TXLNB: variants seen among roughly 807,000 people sequenced by gnomAD.
The protein encoded by TXLNB is taxilin beta, also known as beta-taxilin.
TXLNB carries 37 observed loss-of-function variants against 57.4 expected under a neutral mutation model. The ratio of observed to expected loss-of-function variants is 0.64; its 90% confidence interval spans 0.50 to 0.85. The LOEUF (loss-of-function observed/expected upper bound fraction) is 0.85. Ranked by LOEUF, TXLNB falls within the 40% of genes least tolerant of loss-of-function variation. The probability of loss-of-function intolerance (pLI) is 0.00; values close to 1 mark genes in which losing one functional copy is unlikely to be tolerated. For missense variants in TXLNB, 848 were observed against 825.6 expected (o/e 1.03, Z -0.33); for synonymous variants, 302 against 309.6 (o/e 0.98, Z 0.26).
chr6:139,179,053 A>G, the TXLNB span: 86 of 152,294 alleles, frequency 5.6e-4, no homozygotes, highest in African/African-American at 2.1e-3. Flanking sequence ...TAAAATGCCT[A>G]TAAGAAGTAG....
At chr6:139,279,636 G>T (rs1776992579) in intron 2 of TXLNB, among the ~76,000 whole-genome samples, 2 of 152,162 alleles carry the variant, frequency 1.3e-5, no homozygotes, top group South Asian at 4.1e-4. Flanking sequence ...ACAGAGACTT[G>T]CTCATCATCT....
the TXLNB span, chr6:139,179,838 GAA>G: frequency 6.6e-6 from 1 of 152,136 alleles, no homozygotes; most frequent in African/African-American, 2.4e-5. Context: ...TTTTTCTGAT[GAA>G]TAGTGTTCAG....
intron 4 of TXLNB, among the ~76,000 whole-genome samples, chr6:139,267,083 G>T (rs1362639025): frequency 2.7e-5 from 4 of 150,642 alleles, no homozygotes; most frequent in Admixed American, 2.0e-4. Context: ...GCAACTAAGA[G>T]AATTGATTAC....
At position 139,253,233 on chromosome 6, in the gene TXLNB, G is replaced by A. The variant is rs9484255; in HGVS notation, c.1077+2331C>T. Among the ~76,000 whole-genome samples the A allele has an allele frequency of 6.0e-3, 920 of 152,272 alleles. 7 individuals carry two copies. The highest frequency in any genetic ancestry group is 0.021 in the African/African-American group (882 of 41,546). On this transcript the variant is annotated intron_variant, in intron 7 of 9. Coordinates refer to ENST00000358430, the MANE Select transcript of TXLNB (RefSeq NM_153235.4). ...ATGCTTATTTTGGGCCAGACACTGA[G>A]CAAAATGCTTTGGATGCATGATTTG...
the TXLNB span, among the ~76,000 whole-genome samples, chr6:139,217,882 A>AG: frequency 1.2e-3 from 170 of 146,926 alleles, no homozygotes; most frequent in African/African-American, 4.2e-3. Context: ...AAAAAAAAAA[A>AG]AAAAAGAAAA....
downstream of TXLNB, among the ~76,000 whole-genome samples, chr6:139,238,631 A>G (rs1464232797): frequency 6.6e-6 from 1 of 152,224 alleles, no homozygotes; most frequent in African/African-American, 2.4e-5. Context: ...TTATTATCAC[A>G]TGAAAACTTC....
Position 139,260,413 on chromosome 6 carries a change from T to G in TXLNB, c.907A>C (p.Arg303=). The G allele has an allele frequency of 1.2e-6, 2 of 1,614,150 alleles. No individual in the cohort carries two copies. The highest frequency in any genetic ancestry group is 1.7e-6 in the Non-Finnish European group (2 of 1,180,022). ...EEHLDKIFKH[R]ELQQKLVDAK... ...TCCACCAGCTTCTGCTGCAGTTCTC[T>G]GTGTTTAAATATTTTGTCCAGATGC... The change falls in exon 6 of 10, where the codon AGA becomes CGA. Residue 303 remains arginine (R), a synonymous_variant. Transcript: ENST00000358430.
chr6:139,202,869 C>T, the TXLNB span, among the ~76,000 whole-genome samples: 3 of 152,134 alleles, frequency 2.0e-5, no homozygotes, highest in Non-Finnish European at 4.4e-5. Flanking sequence ...CCCTGCCTTC[C>T]CAGCTTCTAG....
rs373806802 is a variant in TXLNB at position 139,281,700 on chromosome 6, T to C, written c.425-4779A>G. ...AGTAGCTGGGACTACAGGCGCCCGC[T>C]ACCACGCCCGGCTAATTTTTTGTAT... On this transcript the variant is annotated intron_variant, in intron 2 of 9. Coordinates refer to ENST00000358430, the MANE Select transcript of TXLNB (RefSeq NM_153235.4). 8.5e-4 allele frequency among the ~76,000 whole-genome samples: 93 copies of C among 109,636 alleles called. 24 individuals are homozygous for C. Among genetic ancestry groups the C allele is most frequent in the Middle Eastern group, 3.8e-3 (1 of 260 alleles). 71.9% of individuals were successfully genotyped at this position (109,636 alleles called of 152,430 possible).
chr6:139,249,558 T>C (rs1776144713), intron 7 of TXLNB, among the ~76,000 whole-genome samples: 1 of 152,174 alleles, frequency 6.6e-6, no homozygotes, highest in South Asian at 2.1e-4. Flanking sequence ...CTGTCTTTTT[T>C]AAAGTACAGA....
Position 139,247,910 on chromosome 6 carries a change from C to T in TXLNB, c.1078-1G>A. 1 of 1,582,038 alleles carries T rather than the reference C, an allele frequency of 6.3e-7. No homozygotes were observed. Among genetic ancestry groups the T allele is most frequent in the Admixed American group, 1.8e-5 (1 of 56,528 alleles). ...CAAACCTTCCTGAGTAGAGAGTGAGCTGTAAACAGAGGAAAGAGTGGATCT... is the reference window on the plus strand; with the variant it reads ...CAAACCTTCCTGAGTAGAGAGTGAGTTGTAAACAGAGGAAAGAGTGGATCT... On this transcript the variant is annotated splice_acceptor_variant, in intron 7 of 9. Coordinates refer to ENST00000358430, the MANE Select transcript of TXLNB (RefSeq NM_153235.4). LOFTEE classifies it high-confidence loss of function.
chr6:139,192,835 C>T, the TXLNB span, among the ~76,000 whole-genome samples: 2 of 151,852 alleles, frequency 1.3e-5, no homozygotes, highest in Admixed American at 6.6e-5. Context: ...TGGTGGCACA[C>T]GCCTGTATTC....
rs767944687 is a variant in TXLNB at position 139,247,805 on chromosome 6, A to C, written c.1170+12T>G. On this transcript the variant is annotated intron_variant, in intron 8 of 9. Transcript: ENST00000358430. ...AAATGTCAATATTTTGTTGGTGATAAGCAATACTCACTTTGTCCATTTCCT... is the reference window on the plus strand; with the variant it reads ...AAATGTCAATATTTTGTTGGTGATACGCAATACTCACTTTGTCCATTTCCT... 6.4e-7 allele frequency: 1 copy of C among 1,569,884 alleles called. No homozygotes were observed. Among genetic ancestry groups the C allele is most frequent in the Non-Finnish European group, 8.7e-7 (1 of 1,151,994 alleles).
At chr6:139,192,772 G>A in the TXLNB span, among the ~76,000 whole-genome samples, 2 of 127,650 alleles carry the variant, frequency 1.6e-5, no homozygotes, top group African/African-American at 3.0e-5. Context: ...GTAAAACCCC[G>A]TCTCTACTAA....
the TXLNB span, among the ~76,000 whole-genome samples, chr6:139,231,441 G>A: frequency 2.0e-5 from 3 of 152,136 alleles, no homozygotes; most frequent in Non-Finnish European, 4.4e-5. Flanking sequence ...ACTTTGCTTA[G>A]ACTTGTAACC....
At chr6:139,299,443 G>A in the TXLNB span, among the ~76,000 whole-genome samples, 1 of 152,220 alleles carries the variant, frequency 6.6e-6, no homozygotes, top group African/African-American at 2.4e-5. Context: ...TAACTGAAAT[G>A]TCAACTGTTA....
the TXLNB span, among the ~76,000 whole-genome samples, chr6:139,169,051 A>G: frequency 1.3e-5 from 2 of 152,154 alleles, no homozygotes; most frequent in African/African-American, 4.8e-5. Context: ...TCTTTTACAC[A>G]GTTTCCTCTA....
At chr6:139,228,587 GC>G in the TXLNB span, among the ~76,000 whole-genome samples, 2 of 151,588 alleles carry the variant, frequency 1.3e-5, no homozygotes, top group African/African-American at 4.8e-5. Flanking sequence ...TGTTCCAGGG[GC>G]TGAAATATGG....
the TXLNB span, among the ~76,000 whole-genome samples, chr6:139,232,091 G>C: frequency 6.6e-6 from 1 of 152,104 alleles, no homozygotes; most frequent in African/African-American, 2.4e-5. Context: ...CCAAGACTAG[G>C]TAATTTATAA....
Sources: allele counts gnomAD v4.1 joint callset (sites outside exome capture counted in the v4.1 genomes callset), GRCh38; gene constraint gnomAD v4.1.1; transcripts MANE v1.5; gene names NCBI Gene and HGNC (gene_info 2026-07-23, HGNC 2026-07-21).